MPRIP: variants seen among roughly 807,000 people sequenced by gnomAD.
MPRIP encodes myosin phosphatase Rho interacting protein.
In MPRIP, 59 loss-of-function variants were observed where a neutral mutation model predicts 234.9. The observed-to-expected ratio is 0.25, with a 90% CI of 0.20 to 0.31. MPRIP has a LOEUF of 0.31. Among genes scored for constraint, MPRIP ranks in the 10% least tolerant of loss-of-function variants. The probability of loss-of-function intolerance (pLI) is 1.00; values close to 1 mark genes in which losing one functional copy is unlikely to be tolerated. For missense variants in MPRIP, 2,436 were observed against 3,071.0 expected (o/e 0.79, Z 4.89); for synonymous variants, 1,144 against 1,263.9 (o/e 0.91, Z 2.01).
At position 17,165,054 on chromosome 17, in the gene MPRIP, C is replaced by T. The variant is rs1224873995; in HGVS notation, c.3463C>T (p.Gln1155Ter). The T allele has an allele frequency of 3.8e-6, 5 of 1,302,494 alleles. No individual in the cohort carries two copies. The highest frequency in any genetic ancestry group is 4.0e-6 in the Non-Finnish European group (4 of 988,946). The allele number at this position is 1,302,494 out of a possible 1,614,324, so 80.7% of individuals were successfully genotyped here. ...GCACTCCTACCAGAGGGTCTCCAGC[C>T]AGCTGCAGAGCATGCACACTCTGCT... is the stretch of plus-strand genomic sequence containing the variant. ...LEHSYQRVSS[Q>*]LQSMHTLLRE... is the part of the protein sequence containing the mutation. Residue 1155 changes from glutamine to a stop codon, truncating the protein, a stop_gained, in exon 16 of 24, where the codon CAG becomes TAG. Coordinates refer to ENST00000651222, the MANE Select transcript of MPRIP (RefSeq NM_001364716.4). LOFTEE classifies it high-confidence loss of function.
At chr17:17,043,017 G>A in intron 1 of MPRIP, 46 bp downstream of exon 1, 9 of 1,586,460 alleles carry the variant, frequency 5.7e-6, no homozygotes, top group Non-Finnish European at 7.7e-6. Flanking sequence ...TGGGAGCCGC[G>A]GGTCGGCGGC....
At chr17:17,115,044 G>T (rs779197926) in intron 3 of MPRIP, among the ~76,000 whole-genome samples, 1 of 152,256 alleles carries the variant, frequency 6.6e-6, no homozygotes, top group African/African-American at 2.4e-5. Flanking sequence ...CCCAGCCCAC[G>T]CACTGCAGCA....
rs1013737550 is a variant in MPRIP at position 17,171,932 on chromosome 17, T to C, written c.6472+67T>C. The C allele has an allele frequency of 1.1e-5, 17 of 1,507,800 alleles. No homozygotes were observed. The African/African-American group carries it at 2.1e-4, about 19-fold the overall frequency. 93.4% of individuals were successfully genotyped at this position (1,507,800 alleles called of 1,614,324 possible). A position where few individuals can be genotyped will look rare whatever the true frequency, so the allele number is the denominator to read the frequency against. On this transcript the variant is annotated intron_variant, in intron 17 of 23. Coordinates refer to ENST00000651222, the MANE Select transcript of MPRIP (RefSeq NM_001364716.4). ...GCTTTTTTTGAGCTAGACACACAAC[T>C]CAGAGGAATGGCAGCCTTTAAATTG...
chr17:17,042,863 G>A lies in MPRIP; in HGVS notation c.15G>A (p.Lys5=). Reference sequence around the variant, plus strand: ...CCGCGCCGACCATGTCGGCAGCCAAGGAGAACCCGTGCAGGAAATTCCAGG... The same window carrying A: ...CCGCGCCGACCATGTCGGCAGCCAAAGAGAACCCGTGCAGGAAATTCCAGG... MSAA[K]ENPCRKFQAN... The change falls in exon 1 of 24, where the codon AAG becomes AAA. Residue 5 remains lysine (K), a synonymous_variant. Coordinates refer to ENST00000651222, the MANE Select transcript of MPRIP (RefSeq NM_001364716.4). 1 of 1,591,792 alleles carries A rather than the reference G, an allele frequency of 6.3e-7. No individual in the cohort carries two copies. Among genetic ancestry groups the A allele is most frequent in the Non-Finnish European group, 8.5e-7 (1 of 1,170,052 alleles).
At chr17:17,183,901 G>A (rs1030739048) in intron 23 of MPRIP, among the ~76,000 whole-genome samples, 1 of 152,232 alleles carries the variant, frequency 6.6e-6, no homozygotes, top group African/African-American at 2.4e-5. Context: ...CAGTTTCTCA[G>A]TAAAGCCTGT....
chr17:17,093,145 C>T (rs2089758581), intron 3 of MPRIP, among the ~76,000 whole-genome samples: 1 of 152,156 alleles, frequency 6.6e-6, no homozygotes, highest in African/African-American at 2.4e-5. Context: ...GGGAAAAAAG[C>T]ATTTGCCTAA....
chr17:17,144,662 C>T (rs1567748167), intron 9 of MPRIP, among the ~76,000 whole-genome samples: 1 of 152,162 alleles, frequency 6.6e-6, no homozygotes, highest in Non-Finnish European at 1.5e-5. Context: ...TCGAGACCAT[C>T]CTGACCAACA....
chr17:17,110,903 C>G (rs2090155339), intron 3 of MPRIP, among the ~76,000 whole-genome samples: 1 of 152,058 alleles, frequency 6.6e-6, no homozygotes, highest in Non-Finnish European at 1.5e-5. Flanking sequence ...TGAGTGGGAT[C>G]TTGGAGCAGG....
At chr17:17,125,131 A>G (rs1035385648) in intron 3 of MPRIP, among the ~76,000 whole-genome samples, 2 of 152,194 alleles carry the variant, frequency 1.3e-5, no homozygotes, top group Admixed American at 1.3e-4. Flanking sequence ...CTCCTTCTCA[A>G]GGACCCTCCA....
intron 23 of MPRIP, among the ~76,000 whole-genome samples, chr17:17,183,649 G>A (rs1306123754): frequency 6.6e-6 from 1 of 152,044 alleles, no homozygotes; most frequent in Non-Finnish European, 1.5e-5. Context: ...GCTGGGTGGG[G>A]TGGGGGACAG....
intron 4 of MPRIP, 29 bp downstream of exon 4, chr17:17,126,882 C>T: frequency 6.2e-7 from 1 of 1,603,012 alleles, no homozygotes; most frequent in Middle Eastern, 1.7e-4. Flanking sequence ...TGGAACAAGG[C>T]ACCACCACCT....
chr17:17,071,423 G>A (rs932890374), intron 1 of MPRIP, among the ~76,000 whole-genome samples: 4 of 152,148 alleles, frequency 2.6e-5, no homozygotes, highest in African/African-American at 9.7e-5. Context: ...AGTCACCACG[G>A]TGTCCTTCCT....
intron 1 of MPRIP, among the ~76,000 whole-genome samples, chr17:17,073,648 G>A (rs527895574): frequency 1.3e-5 from 2 of 152,218 alleles, no homozygotes; most frequent in East Asian, 1.9e-4. Context: ...GATACACACA[G>A]GGAGTTGTCC....
Position 17,083,095 on chromosome 17 carries a change from C to T in MPRIP, c.267+5019C>T, listed in dbSNP as rs79213038. On this transcript the variant is annotated intron_variant, in intron 3 of 23. Transcript: ENST00000651222. Reference sequence around the variant, plus strand: ...GGTGTGGAGCTCTGCTCCATCCTAGCCTGGAGAGTCCTTGAGCATCACGAG... The same window carrying T: ...GGTGTGGAGCTCTGCTCCATCCTAGTCTGGAGAGTCCTTGAGCATCACGAG... 2.8e-4 allele frequency among the ~76,000 whole-genome samples: 42 copies of T among 152,288 alleles called. No homozygotes were observed. The East Asian group carries it at 5.6e-3, about 20-fold the overall frequency.
intron 3 of MPRIP, among the ~76,000 whole-genome samples, chr17:17,118,657 T>G (rs1011424222): frequency 6.6e-6 from 1 of 152,144 alleles, no homozygotes; most frequent in African/African-American, 2.4e-5. Context: ...GCCTGGTGGG[T>G]ACCTGCTAGG....
Position 17,177,360 on chromosome 17 carries a change from A to G in MPRIP, c.7068A>G (p.Ala2356=). ...GGTTGAAGGAGCAGCTCAAGGCTGCAACGGAAGCACTGGGGGAGAAGTCCC... is the reference window on the plus strand; with the variant it reads ...GGTTGAAGGAGCAGCTCAAGGCTGCGACGGAAGCACTGGGGGAGAAGTCCC... ...ISRLKEQLKA[A]TEALGEKSPD... Residue 2356 remains alanine (A), a synonymous_variant, in exon 22 of 24, where the codon GCA becomes GCG. Transcript: ENST00000651222. 6.2e-7 allele frequency: 1 copy of G among 1,613,900 alleles called. No homozygotes were observed. The highest frequency in any genetic ancestry group is 8.5e-7 in the Non-Finnish European group (1 of 1,180,024).
At chr17:17,126,477 G>A (rs1040223758) in intron 3 of MPRIP, among the ~76,000 whole-genome samples, 3 of 152,114 alleles carry the variant, frequency 2.0e-5, no homozygotes, top group Admixed American at 6.5e-5. Flanking sequence ...GTGGGATGTC[G>A]CTCTCCACGT....
chr17:17,185,164 A>G lies in MPRIP; in HGVS notation c.*270A>G. The G allele has an allele frequency of 2.8e-6, 1 of 361,828 alleles. No homozygotes were observed. Among genetic ancestry groups the G allele is most frequent in the Non-Finnish European group, 5.4e-6 (1 of 186,096 alleles). The allele number at this position is 361,828 out of a possible 1,614,324, so 22.4% of individuals were successfully genotyped here. On this transcript the variant is annotated 3_prime_UTR_variant, in exon 24 of 24. Transcript: ENST00000651222. ...TGGGGGCTGGGAGGGCATCTGTGTT[A>G]GTCCTTTCCTGGCTGTGACCCGCCA...
chr17:17,077,838 G>T, intron 2 of MPRIP, 173 bp from the exon 3 acceptor site: 1 of 620,680 alleles, frequency 1.6e-6, no homozygotes, highest in Non-Finnish European at 2.9e-6. Flanking sequence ...CCTGGCTGAT[G>T]AATCAACATT....
Sources: allele counts gnomAD v4.1 joint callset (sites outside exome capture counted in the v4.1 genomes callset), GRCh38; gene constraint gnomAD v4.1.1; transcripts MANE v1.5; gene names NCBI Gene and HGNC (gene_info 2026-07-23, HGNC 2026-07-21).